PLAT: variants seen among roughly 807,000 people sequenced by gnomAD.
PLAT encodes the protein tissue-type plasminogen activator.
Under a neutral mutation model 74.9 loss-of-function variants are expected in PLAT, and 48 were observed. That is an observed-to-expected ratio of 0.64 (90% CI 0.51 to 0.82). The LOEUF (loss-of-function observed/expected upper bound fraction) is 0.82, where lower values mean the gene tolerates loss of function less well. Ranked by LOEUF, PLAT falls within the 40% of genes least tolerant of loss-of-function variation. The pLI, the probability that PLAT is intolerant of heterozygous loss-of-function variation, is 0.00. For missense variants in PLAT, 673 were observed against 736.2 expected (o/e 0.91, Z 0.99); for synonymous variants, 307 against 294.4 (o/e 1.04, Z -0.44).
Position 42,180,266 on chromosome 8 carries a change from C to T in PLAT, c.1198G>A (p.Asp400Asn). Reference protein sequence around the residue: ...EKYIVHKEFDDDTYDNDIALL... With the variant: ...EKYIVHKEFDNDTYDNDIALL... ...CCAATGTCATTGTCGTAAGTGTCAT[C>T]ATCGAATTCCTTATGGACAATGTAT... Residue 400 changes from aspartate to asparagine, a missense_variant, in exon 11 of 14, where the codon GAT (aspartate) becomes AAT (asparagine). Asp to Asn is a conservative substitution (Grantham distance 23). Transcript: ENST00000220809. The T allele has an allele frequency of 6.2e-7, 1 of 1,614,266 alleles. No individual in the cohort carries two copies. The highest frequency in any genetic ancestry group is 8.5e-7 in the Non-Finnish European group (1 of 1,180,040).
In PLAT at chr8:42,182,034, G is replaced by C; in HGVS notation, c.804-12C>G. On this transcript the variant is annotated splice_polypyrimidine_tract_variant and intron_variant, in intron 8 of 13. Transcript: ENST00000220809. ...CCCCATCAGGATTCCTAAATGATAA[G>C]AGAGTTTAAGGTTTCCTTTTTATCT... is the stretch of plus-strand genomic sequence containing the variant. The C allele has an allele frequency of 6.5e-7, 1 of 1,536,166 alleles. No homozygotes were observed. The highest frequency in any genetic ancestry group is 9.0e-7 in the Non-Finnish European group (1 of 1,108,882).
chr8:42,198,407 G>A (rs191796214), intron 1 of PLAT, among the ~76,000 whole-genome samples: 7 of 152,298 alleles, frequency 4.6e-5, no homozygotes, highest in African/African-American at 7.2e-5. Flanking sequence ...CAGGAGAATC[G>A]CTTGAACCCG....
rs1473282981 is a variant in PLAT, at chr8:42,189,036, G to A, written c.151C>T (p.Gln51Ter). 1 of 1,613,752 alleles carries A rather than the reference G, an allele frequency of 6.2e-7. No homozygotes were observed. Among genetic ancestry groups the A allele is most frequent in the Non-Finnish European group, 8.5e-7 (1 of 1,179,816 alleles). ...GGGCGCAGCCATGACTGATGTTGCT[G>A]GTATATCATCTGCGTTTTTTCATCT... is the stretch of plus-strand genomic sequence containing the variant. ...CRDEKTQMIY[Q>*]QHQSWLRPVL... is the part of the protein sequence containing the mutation. The change falls in exon 4 of 14, where the codon CAG becomes TAG. Residue 51 changes from glutamine (Q) to a stop codon, truncating the protein, a stop_gained. Coordinates refer to ENST00000220809, the MANE Select transcript of PLAT (RefSeq NM_000930.5). LOFTEE classifies it high-confidence loss of function.
intron 1 of PLAT, among the ~76,000 whole-genome samples, chr8:42,201,491 G>A (rs1296397913): frequency 1.3e-5 from 2 of 152,164 alleles, no homozygotes; most frequent in African/African-American, 4.8e-5. Flanking sequence ...ACGCTTCATG[G>A]GGTCCTCATG....
chr8:42,187,935 T>C lies in PLAT; in HGVS notation c.335A>G (p.Glu112Gly). ...TTCACAGCACTTCCCAGCAAATCCT[T>C]CGGGGCACTGGCACACGAAATCTGA... ...YFSDFVCQCP[E>G]GFAGKCCEID... Residue 112 changes from glutamate to glycine, a missense_variant, in exon 5 of 14, where the codon GAA becomes GGA. Physicochemically the swap from Glu to Gly is moderately conservative, Grantham distance 98. Transcript: ENST00000220809. 1 of 1,612,920 alleles carries C rather than the reference T, an allele frequency of 6.2e-7. No homozygotes were observed. Among genetic ancestry groups the C allele is most frequent in the Non-Finnish European group, 8.5e-7 (1 of 1,178,966 alleles).
intron 1 of PLAT, among the ~76,000 whole-genome samples, chr8:42,199,088 C>T (rs1806029344): frequency 6.6e-6 from 1 of 152,200 alleles, no homozygotes; most frequent in Admixed American, 6.5e-5. Flanking sequence ...GCTCTCATCC[C>T]ACTTCTCCAG....
intron 3 of PLAT, among the ~76,000 whole-genome samples, chr8:42,190,518 G>T (rs529664587): frequency 6.6e-6 from 1 of 152,190 alleles, no homozygotes; most frequent in Non-Finnish European, 1.5e-5. Context: ...GAAGTAGCAC[G>T]TGCCCACTGT....
chr8:42,176,356 G>C (rs1212954386), intron 13 of PLAT, among the ~76,000 whole-genome samples: 1 of 152,212 alleles, frequency 6.6e-6, no homozygotes, highest in African/African-American at 2.4e-5. Context: ...GTTTTGTCCA[G>C]GTACCCCGGT....
In PLAT at chr8:42,182,740, AGGCCCAGTGCCTG is replaced by A. The variant is rs1587930834; in HGVS notation, c.769_781del (p.Gln257TrpfsTer21). 1 of 1,609,276 alleles carries A rather than the reference AGGCCCAGTGCCTG, an allele frequency of 6.2e-7. No individual in the cohort carries two copies. Among genetic ancestry groups the A allele is most frequent in the Non-Finnish European group, 8.5e-7 (1 of 1,178,408 alleles). On this transcript the variant is annotated frameshift_variant, in exon 8 of 14. Transcript: ENST00000220809. LOFTEE classifies it high-confidence loss of function. The stretch of plus-strand genomic sequence containing the variant: ...CTACCGGCAGTAATTATGTTTGCCC[AGGCCCAGTGCCTG>A]GGCACTGGGGTTCTGTGCTGTGTAA...
At chr8:42,199,570 AG>A (rs1806049154) in intron 1 of PLAT, among the ~76,000 whole-genome samples, 1 of 152,170 alleles carries the variant, frequency 6.6e-6, no homozygotes, top group Non-Finnish European at 1.5e-5. Flanking sequence ...ACTCAGAAAA[AG>A]CTACAGCAGG....
chr8:42,203,992 T>TATATATATATATATACACACACACACAC (rs1554499838), intron 1 of PLAT, among the ~76,000 whole-genome samples: 4 of 109,862 alleles, frequency 3.6e-5, no homozygotes, highest in African/African-American at 2.1e-4. Context: ...TATATATATA[T>TATATATATATATATACACACACACACAC]ACACACACAC....
In PLAT at chr8:42,178,946, C is replaced by T; in HGVS notation, c.1481G>A (p.Gly494Glu). The T allele has an allele frequency of 6.2e-7, 1 of 1,614,066 alleles. No individual in the cohort carries two copies. The highest frequency in any genetic ancestry group is 8.5e-7 in the Non-Finnish European group (1 of 1,180,018). ...CTGGGGCCCGCCGCTCCGAGTGTCT[C>T]CAGCACACAGCATGTTGTCGGTGAC... ...RTVTDNMLCA[G>E]DTRSGGPQAN... The change falls in exon 13 of 14, where the codon GGA (glycine) becomes GAA (glutamate). Residue 494 changes from glycine to glutamate, a missense_variant. Coordinates refer to ENST00000220809, the MANE Select transcript of PLAT (RefSeq NM_000930.5).
chr8:42,177,889 G>T (rs981198030), intron 13 of PLAT, among the ~76,000 whole-genome samples: 1 of 152,160 alleles, frequency 6.6e-6, no homozygotes, highest in Non-Finnish European at 1.5e-5. Flanking sequence ...CAGCACCAGA[G>T]CCTGGCCTCA....
At position 42,175,870 on chromosome 8, in the gene PLAT, C is replaced by T. The variant is rs1189119740; in HGVS notation, c.*123G>A. ...CACTCTTCCCTCTCCTGTAGGGTCT[C>T]GTCCCGCTTCTGCGGTGTGGTGGGT... On this transcript the variant is annotated 3_prime_UTR_variant, in exon 14 of 14. Coordinates refer to ENST00000220809, the MANE Select transcript of PLAT (RefSeq NM_000930.5). 18 of 898,540 alleles carry T rather than the reference C, an allele frequency of 2.0e-5. No homozygotes were observed. Among genetic ancestry groups the T allele is most frequent in the Admixed American group, 7.3e-5 (3 of 41,062 alleles). The allele number at this position is 898,540 out of a possible 1,614,324, so 55.7% of individuals were successfully genotyped here. A position where few individuals can be genotyped will look rare whatever the true frequency, so the allele number is the denominator to read the frequency against.
intron 13 of PLAT, among the ~76,000 whole-genome samples, chr8:42,176,981 G>GT (rs1273386766): frequency 2.0e-5 from 3 of 149,276 alleles, no homozygotes; most frequent in Admixed American, 6.6e-5. Flanking sequence ...GTTTTTTTTT[G>GT]TTTTTTTGTT....
At position 42,180,669 on chromosome 8, in the gene PLAT, T is replaced by C. The variant is rs1265959699; in HGVS notation, c.906A>G (p.Arg302=). Residue 302 remains arginine, a synonymous_variant, in exon 10 of 14, where the codon AGA becomes AGG. Transcript: ENST00000220809. The part of the protein sequence containing the change: ...DVPSCSTCGL[R]QYSQPQFRIK... ...TGCGAAACTGAGGCTGGCTGTACTG[T>C]CTCAGGCCGCAGGTGGCTGGGGAGG... is the stretch of plus-strand genomic sequence containing the variant. 2 of 1,575,802 alleles carry C rather than the reference T, an allele frequency of 1.3e-6. No individual in the cohort carries two copies. The highest frequency in any genetic ancestry group is 2.7e-5 in the African/African-American group (2 of 74,072).
chr8:42,182,538 G>A (rs3020636), intron 8 of PLAT, 181 bp downstream of exon 8: 1 of 506,514 alleles, frequency 2.0e-6, no homozygotes, highest in South Asian at 3.2e-5. Flanking sequence ...AAAACTGGTA[G>A]ACCTTGCTTT....
chr8:42,181,564 C>A (rs1805240246), intron 9 of PLAT, among the ~76,000 whole-genome samples: 2 of 152,204 alleles, frequency 1.3e-5, no homozygotes, highest in Admixed American at 6.5e-5. Flanking sequence ...CTCCACCACG[C>A]TGTTGGACAA....
At chr8:42,205,700 C>G (rs888130776) in intron 1 of PLAT, among the ~76,000 whole-genome samples, 4 of 152,184 alleles carry the variant, frequency 2.6e-5, no homozygotes, top group African/African-American at 9.7e-5. Context: ...CCTGCCTTTC[C>G]AGACCGAACC....
Sources: gnomAD v4.1 joint callset for allele counts (sites outside exome capture counted in the v4.1 genomes callset) on GRCh38, gnomAD v4.1.1 for gene constraint, MANE v1.5 for transcripts, NCBI Gene and HGNC (gene_info 2026-07-23, HGNC 2026-07-21) for gene names.